The following FRMD3 variants were observed in gnomAD, a reference collection of about 807,000 sequenced individuals.
FRMD3 encodes the protein FERM domain-containing protein 3.
FRMD3 carries 33 observed loss-of-function variants against 70.2 expected under a neutral mutation model. The observed-to-expected ratio is 0.47, with a 90% CI of 0.36 to 0.63. The LOEUF is 0.63. Among genes scored for constraint, FRMD3 ranks in the 20% least tolerant of loss-of-function variants. The probability of loss-of-function intolerance (pLI) is 0.00; values close to 1 mark genes in which losing one functional copy is unlikely to be tolerated. For synonymous variants in FRMD3, 279 were observed against 255.9 expected (o/e 1.09, Z -0.86); for missense variants, 632 against 711.4 (o/e 0.89, Z 1.27).
chr9:83,425,924 A>C (rs1009532099), intron 1 of FRMD3, among the ~76,000 whole-genome samples: 1,676 of 151,080 alleles, frequency 0.011, 46 homozygotes, highest in African/African-American at 0.039. Context: ...AAAAAAAAAA[A>C]AAAACAACCT....
chr9:83,331,021 G>A (rs1205884913), intron 6 of FRMD3, among the ~76,000 whole-genome samples: 6 of 152,224 alleles, frequency 3.9e-5, no homozygotes, highest in Admixed American at 2.6e-4. Context: ...AAATGCTACA[G>A]CCACTTTGGA....
In FRMD3 at chr9:83,247,686, T is replaced by C. The variant is rs1764559040; in HGVS notation, c.*232A>G. The C allele has an allele frequency of 1.6e-6, 2 of 1,284,580 alleles. No homozygotes were observed. Among genetic ancestry groups the C allele is most frequent in the South Asian group, 3.8e-5 (2 of 52,006 alleles). 79.6% of individuals were successfully genotyped at this position (1,284,580 alleles called of 1,614,324 possible). A position where few individuals can be genotyped will look rare whatever the true frequency, so the allele number is the denominator to read the frequency against. ...TCTACACTATAATAAAAAATAAACA[T>C]ATTTTTGGTTATTTAAAGACCATCT... On this transcript the variant is annotated 3_prime_UTR_variant, in exon 14 of 14. Coordinates refer to ENST00000304195, the MANE Select transcript of FRMD3 (RefSeq NM_174938.6).
the FRMD3 span, among the ~76,000 whole-genome samples, chr9:83,573,159 T>A: frequency 6.6e-6 from 1 of 152,156 alleles, no homozygotes; most frequent in Non-Finnish European, 1.5e-5. Context: ...TTTAGGTCAA[T>A]AAACATTAAT....
At chr9:83,566,672 C>T in the FRMD3 span, among the ~76,000 whole-genome samples, 26,001 of 152,104 alleles carry the variant, frequency 0.17, 2,508 homozygotes, top group East Asian at 0.39. Flanking sequence ...AACAAAAGGG[C>T]TACAGGGCCC....
At chr9:83,436,861 C>T (rs1827151838) in intron 1 of FRMD3, among the ~76,000 whole-genome samples, 1 of 151,372 alleles carries the variant, frequency 6.6e-6, no homozygotes, top group South Asian at 2.1e-4. Flanking sequence ...AGCCATATCC[C>T]TGAAAACAGT....
chr9:83,569,420 C>T, the FRMD3 span, among the ~76,000 whole-genome samples: 3 of 152,224 alleles, frequency 2.0e-5, no homozygotes, highest in Admixed American at 6.5e-5. Flanking sequence ...AGCCCACCCA[C>T]AGGCGTCTGC....
At chr9:83,549,131 T>G in the FRMD3 span, among the ~76,000 whole-genome samples, 1 of 152,044 alleles carries the variant, frequency 6.6e-6, no homozygotes, top group Admixed American at 6.6e-5. Flanking sequence ...AAGACCCCAG[T>G]GTCTTTTGTT....
At chr9:83,260,647 T>C (rs889295038) in intron 13 of FRMD3, among the ~76,000 whole-genome samples, 3 of 152,150 alleles carry the variant, frequency 2.0e-5, no homozygotes, top group South Asian at 4.2e-4. Context: ...ATAGCCACGA[T>C]AGAAGCCACA....
chr9:83,424,147 C>T lies in FRMD3; in HGVS notation c.148-34439G>A, dbSNP rs771940100. The stretch of plus-strand genomic sequence containing the variant: ...CAAGCTCCAGGTGGATGCAGACGGT[C>T]GTGGCCATGGCCCTTGCTGAGAGGC... On this transcript the variant is annotated intron_variant, in intron 1 of 13. Coordinates refer to ENST00000304195, the MANE Select transcript of FRMD3 (RefSeq NM_174938.6). 4.7e-4 allele frequency among the ~76,000 whole-genome samples: 72 copies of T among 152,124 alleles called. 1 individual carries two copies. The highest frequency in any genetic ancestry group is 2.8e-4 in the Non-Finnish European group (19 of 68,008).
intron 1 of FRMD3, among the ~76,000 whole-genome samples, chr9:83,443,588 C>G (rs1272755043): frequency 1.3e-5 from 2 of 152,160 alleles, no homozygotes; most frequent in African/African-American, 4.8e-5. Flanking sequence ...GTGAATAGTG[C>G]CGCAATAAAC....
At chr9:83,560,945 G>A in the FRMD3 span, among the ~76,000 whole-genome samples, 13 of 152,132 alleles carry the variant, frequency 8.5e-5, no homozygotes, top group Non-Finnish European at 1.8e-4. Flanking sequence ...GAACTGAGAT[G>A]AAAGAAAAGT....
At chr9:83,572,911 C>A in the FRMD3 span, among the ~76,000 whole-genome samples, 2,942 of 152,162 alleles carry the variant, frequency 0.019, 96 homozygotes, top group African/African-American at 0.066. Context: ...GTTATTGAAG[C>A]AACAATAATA....
At chr9:83,569,725 C>T in the FRMD3 span, among the ~76,000 whole-genome samples, 6 of 152,282 alleles carry the variant, frequency 3.9e-5, no homozygotes, top group Non-Finnish European at 7.4e-5. Flanking sequence ...GTACTTGATA[C>T]GTGTTTTCAA....
At chr9:83,402,263 C>A (rs182784881) in intron 1 of FRMD3, among the ~76,000 whole-genome samples, 94 of 146,430 alleles carry the variant, frequency 6.4e-4, no homozygotes, top group African/African-American at 2.3e-3. Flanking sequence ...ACAAGGAAGA[C>A]AGAATTCCTC....
At chr9:83,557,601 A>G in the FRMD3 span, among the ~76,000 whole-genome samples, 1 of 152,238 alleles carries the variant, frequency 6.6e-6, no homozygotes, top group African/African-American at 2.4e-5. Flanking sequence ...AAGATTATCA[A>G]TTGATTGGTA....
chr9:83,445,606 C>G (rs1236141390), intron 1 of FRMD3, among the ~76,000 whole-genome samples: 1 of 152,130 alleles, frequency 6.6e-6, no homozygotes, highest in Admixed American at 6.6e-5. Context: ...CCTTATTTAT[C>G]CTTGCAAATA....
the FRMD3 span, among the ~76,000 whole-genome samples, chr9:83,562,356 G>A: frequency 1.3e-5 from 2 of 152,186 alleles, no homozygotes; most frequent in Non-Finnish European, 1.5e-5. Flanking sequence ...ATGGAGATGC[G>A]AGAAGCTGAC....
intron 3 of FRMD3, among the ~76,000 whole-genome samples, chr9:83,363,444 T>C (rs1317442181): frequency 6.6e-6 from 1 of 152,200 alleles, no homozygotes; most frequent in African/African-American, 2.4e-5. Flanking sequence ...TTCTCAGTGT[T>C]ATAAGCAATG....
At chr9:83,436,388 T>A (rs1827132936) in intron 1 of FRMD3, among the ~76,000 whole-genome samples, 1 of 152,028 alleles carries the variant, frequency 6.6e-6, no homozygotes, top group African/African-American at 2.4e-5. Context: ...TTTTAGCTTT[T>A]TACTAAATAA....
Sources: gnomAD v4.1 joint callset for allele counts (sites outside exome capture counted in the v4.1 genomes callset) on GRCh38, gnomAD v4.1.1 for gene constraint, MANE v1.5 for transcripts, NCBI Gene and HGNC (gene_info 2026-07-23, HGNC 2026-07-21) for gene names.